Variants in CYB5RL observed in about 807,000 individuals in gnomAD.
The protein encoded by CYB5RL is cytochrome b5 reductase like, also known as NADH-cytochrome b5 reductase-like.
A neutral mutation model predicts 37.5 loss-of-function variants in CYB5RL; 38 were observed. The observed-to-expected ratio is 1.01, with a 90% CI of 0.78 to 1.33. The LOEUF (loss-of-function observed/expected upper bound fraction) is 1.33, where lower values mean the gene tolerates loss of function less well. Ranked by LOEUF, CYB5RL falls within the 40% of genes most tolerant of loss-of-function variation. CYB5RL has a pLI of 0.00. For synonymous variants in CYB5RL, 141 were observed against 151.9 expected, an observed-to-expected ratio of 0.93 and a Z score of 0.53; for missense variants, 388 against 394.4, an observed-to-expected ratio of 0.98 and a Z score of 0.14.
chr1:54,191,011 T>C, intron 3 of CYB5RL, 115 bp from the exon 4 acceptor site: 3 of 1,368,454 alleles, frequency 2.2e-6, no homozygotes, highest in Admixed American at 2.6e-5. Flanking sequence ...GGAAGTTTCC[T>C]GTAAACTGGA....
chr1:54,193,404 G>C (rs920806951), intron 3 of CYB5RL, among the ~76,000 whole-genome samples: 37 of 152,210 alleles, frequency 2.4e-4, no homozygotes, highest in African/African-American at 8.7e-4. Flanking sequence ...AGATCAGAAA[G>C]AAGTGAAGGG....
chr1:54,195,758 A>C, intron 2 of CYB5RL, 43 bp from the exon 3 acceptor site: 1 of 893,832 alleles, frequency 1.1e-6, no homozygotes, highest in Non-Finnish European at 1.6e-6. Context: ...GGTCTCCTCT[A>C]TTCCTCACAT....
intron 4 of CYB5RL, chr1:54,190,491 A>C: frequency 1.7e-6 from 1 of 600,984 alleles, no homozygotes; most frequent in Non-Finnish European, 2.9e-6. Flanking sequence ...TGTGAGGGTT[A>C]AATGATTTCA....
intron 6 of CYB5RL, 51 bp downstream of exon 6, chr1:54,184,110 A>G (rs1570107159): frequency 6.5e-7 from 1 of 1,537,038 alleles, no homozygotes; most frequent in East Asian, 2.3e-5. Context: ...CCGAAACATG[A>G]AAACCACAGT....
chr1:54,171,493 T>A lies in CYB5RL; in HGVS notation c.*3126A>T, dbSNP rs1184321316. ...CCATGAGGGGAACACAGAAGTGACG[T>A]TGGTAAACATGGTGAGGGCTGAACT... On this transcript the variant is annotated 3_prime_UTR_variant, in exon 8 of 8. Transcript: ENST00000534324. 2.2e-6 allele frequency: 1 copy of A among 451,312 alleles called. No individual in the cohort carries two copies. Among genetic ancestry groups the A allele is most frequent in the East Asian group, 7.0e-5 (1 of 14,278 alleles). 28.0% of individuals were successfully genotyped at this position (451,312 alleles called of 1,614,324 possible). A position where few individuals can be genotyped will look rare whatever the true frequency, so the allele number is the denominator to read the frequency against.
intron 1 of CYB5RL, among the ~76,000 whole-genome samples, chr1:54,198,313 T>C (rs35727858): frequency 0.011 from 1,615 of 151,692 alleles, 55 homozygotes; most frequent in Admixed American, 0.065. Context: ...TCCCTCTTTA[T>C]GCTGATTTCT....
At chr1:54,195,142 T>A (rs904095256) in intron 3 of CYB5RL, among the ~76,000 whole-genome samples, 20 of 152,180 alleles carry the variant, frequency 1.3e-4, no homozygotes, top group African/African-American at 4.1e-4. Flanking sequence ...TAAATATAGT[T>A]AAGTGAAATG....
intron 6 of CYB5RL, among the ~76,000 whole-genome samples, chr1:54,183,754 T>C (rs1660221319): frequency 6.6e-6 from 1 of 152,158 alleles, no homozygotes; most frequent in African/African-American, 2.4e-5. Flanking sequence ...GGCGGGCAGA[T>C]CACCTGAGGT....
chr1:54,191,827 C>T (rs1308904247), intron 3 of CYB5RL, among the ~76,000 whole-genome samples: 4 of 152,216 alleles, frequency 2.6e-5, no homozygotes, highest in Non-Finnish European at 4.4e-5. Flanking sequence ...TACCTGGGTA[C>T]TCTCTGGCAC....
intron 7 of CYB5RL, among the ~76,000 whole-genome samples, chr1:54,178,266 A>C (rs1039454623): frequency 6.6e-6 from 1 of 152,172 alleles, no homozygotes; most frequent in African/African-American, 2.4e-5. Context: ...TAGGGACTAC[A>C]TAAAGCTGCC....
chr1:54,181,303 T>C (rs1660152903), intron 6 of CYB5RL, among the ~76,000 whole-genome samples: 1 of 152,216 alleles, frequency 6.6e-6, no homozygotes, highest in South Asian at 2.1e-4. Flanking sequence ...TGTGCTGCTG[T>C]CACCTGTCTG....
At position 54,171,519 on chromosome 1, in the gene CYB5RL, A is replaced by G. The variant is rs1394775715; in HGVS notation, c.*3100T>C. The G allele has an allele frequency of 6.9e-6, 3 of 434,744 alleles. No homozygotes were observed. The East Asian group carries it at 2.1e-4, about 31-fold the overall frequency. The allele number at this position is 434,744 out of a possible 1,614,324, so 26.9% of individuals were successfully genotyped here. The stretch of plus-strand genomic sequence containing the variant: ...TGGTAAACATGGTGAGGGCTGAACT[A>G]AAGCCAATGCCGCTTCTGCGACCAA... On this transcript the variant is annotated 3_prime_UTR_variant, in exon 8 of 8. Coordinates refer to ENST00000534324, the MANE Select transcript of CYB5RL (RefSeq NM_001031672.4).
intron 7 of CYB5RL, chr1:54,175,690 A>T (rs552449244): frequency 2.3e-6 from 1 of 440,952 alleles, no homozygotes; most frequent in Non-Finnish European, 4.5e-6. Context: ...TTTAAAAAAC[A>T]TTAAAAAATA....
In CYB5RL at chr1:54,171,006, T is replaced by C; in HGVS notation, c.*3613A>G. 2.5e-6 allele frequency: 1 copy of C among 393,040 alleles called. No individual in the cohort carries two copies. Among genetic ancestry groups the C allele is most frequent in the Non-Finnish European group, 5.2e-6 (1 of 192,032 alleles). The allele number at this position is 393,040 out of a possible 1,614,324, so 24.3% of individuals were successfully genotyped here. ...GGAAGTGCTGAGCATCCTCCCCTGT[T>C]AGGGGTACAATGGGCCGGCCCTCAT... is the stretch of plus-strand genomic sequence containing the variant. On this transcript the variant is annotated 3_prime_UTR_variant, in exon 8 of 8. Transcript: ENST00000534324.
intron 3 of CYB5RL, among the ~76,000 whole-genome samples, chr1:54,191,223 C>T (rs1051264592): frequency 5.3e-5 from 8 of 152,170 alleles, no homozygotes; most frequent in African/African-American, 1.9e-4. Context: ...TAATGCCAGA[C>T]TTTTCTTTGT....
At chr1:54,176,829 A>G (rs959154955) in intron 7 of CYB5RL, among the ~76,000 whole-genome samples, 5 of 152,174 alleles carry the variant, frequency 3.3e-5, no homozygotes, top group Admixed American at 2.6e-4. Context: ...GCTGTGAAGG[A>G]GAGCCAGGGT....
At chr1:54,193,298 GA>G (rs1643973524) in intron 3 of CYB5RL, among the ~76,000 whole-genome samples, 1 of 152,186 alleles carries the variant, frequency 6.6e-6, no homozygotes. Flanking sequence ...TTCCAGAACT[GA>G]TATTTTGGCA....
rs2100448608 is a variant in CYB5RL at position 54,170,535 on chromosome 1, C to A, written c.*4084G>T. The stretch of plus-strand genomic sequence containing the variant: ...GTTCACACCATTCTCCTGCCTCAGC[C>A]TCCCGAGTAGCTGGGACTATAGGCG... On this transcript the variant is annotated 3_prime_UTR_variant, in exon 8 of 8. Transcript: ENST00000534324. 1 of 154,450 alleles carries A rather than the reference C, an allele frequency of 6.5e-6. No individual in the cohort carries two copies. The highest frequency in any genetic ancestry group is 6.3e-5 in the Admixed American group (1 of 15,804). 9.6% of individuals were successfully genotyped at this position (154,450 alleles called of 1,614,324 possible).
intron 7 of CYB5RL, among the ~76,000 whole-genome samples, chr1:54,178,582 G>A (rs1024273270): frequency 1.3e-5 from 2 of 152,198 alleles, no homozygotes; most frequent in Admixed American, 6.5e-5. Flanking sequence ...TGCCAGCTAC[G>A]GCGGGGTCCT....
Sources: gnomAD v4.1 joint callset for allele counts (sites outside exome capture counted in the v4.1 genomes callset) on GRCh38, gnomAD v4.1.1 for gene constraint, MANE v1.5 for transcripts, NCBI Gene and HGNC (gene_info 2026-07-23, HGNC 2026-07-21) for gene names.